Variants in TMEM74 observed in about 807,000 individuals in gnomAD.
TMEM74 encodes the protein transmembrane protein 74.
Under a neutral mutation model 18.1 loss-of-function variants are expected in TMEM74, and 13 were observed. That is an observed-to-expected ratio of 0.72 (90% CI 0.47 to 1.14). The LOEUF (loss-of-function observed/expected upper bound fraction) is 1.14. Among genes scored for constraint, TMEM74 ranks in the 50% most tolerant of loss-of-function variants. The pLI is 0.00. For synonymous variants in TMEM74, 159 were observed against 146.6 expected (o/e 1.08, Z -0.61); for missense variants, 372 against 375.9 (o/e 0.99, Z 0.09).
intron 1 of TMEM74, among the ~76,000 whole-genome samples, chr8:108,734,826 T>C (rs9297417): frequency 0.042 from 6,363 of 152,246 alleles, 323 homozygotes; most frequent in African/African-American, 0.12. Context: ...TATTATCACA[T>C]TCAGGCCTGT....
At chr8:108,660,561 G>T (rs1425016544) in intron 1 of TMEM74, among the ~76,000 whole-genome samples, 1 of 151,992 alleles carries the variant, frequency 6.6e-6, no homozygotes, top group Non-Finnish European at 1.5e-5. Context: ...TATGCATTTG[G>T]GTAATTAACA....
downstream of TMEM74, among the ~76,000 whole-genome samples, chr8:108,778,802 T>A (rs1814267608): frequency 6.6e-6 from 1 of 152,170 alleles, no homozygotes; most frequent in East Asian, 1.9e-4. Context: ...CAGATAAGTG[T>A]TTTTAAAAAA....
chr8:108,735,344 A>G (rs767825699), intron 1 of TMEM74, among the ~76,000 whole-genome samples: 1 of 152,176 alleles, frequency 6.6e-6, no homozygotes, highest in Non-Finnish European at 1.5e-5. Context: ...CATATCCTTT[A>G]GCTCTCATCC....
At chr8:108,686,839 A>G (rs541263541) in intron 1 of TMEM74, among the ~76,000 whole-genome samples, 41 of 152,294 alleles carry the variant, frequency 2.7e-4, no homozygotes, top group African/African-American at 9.4e-4. Flanking sequence ...CTAAGTGTTT[A>G]TTATTAATTT....
In TMEM74 at chr8:108,763,133, A is replaced by G. The variant is rs1010227347; in HGVS notation, n.119+24343T>C. ...TTTCATGGAATGAATTATCCCATGC[A>G]TCTGGCTGAATCCCAATTAAACCTT... On this transcript the variant is annotated intron_variant and non_coding_transcript_variant, in intron 1 of 3. Transcript: ENST00000518838. Among the ~76,000 whole-genome samples, 4 of 152,204 alleles carry G rather than the reference A, an allele frequency of 2.6e-5. No homozygotes were observed. The East Asian group carries it at 7.7e-4, about 29-fold the overall frequency.
intron 1 of TMEM74, among the ~76,000 whole-genome samples, chr8:108,730,602 A>G (rs548123488): frequency 6.8e-6 from 1 of 147,912 alleles, no homozygotes; most frequent in Non-Finnish European, 1.5e-5. Flanking sequence ...ATGTAAAACT[A>G]TACGCTTTAG....
intron 1 of TMEM74, among the ~76,000 whole-genome samples, chr8:108,711,321 A>G (rs903127433): frequency 6.6e-6 from 1 of 152,200 alleles, no homozygotes; most frequent in East Asian, 1.9e-4. Flanking sequence ...TATTCCATAA[A>G]GAACCCAAAG....
chr8:108,771,324 G>T (rs1814168368), intron 1 of TMEM74, among the ~76,000 whole-genome samples: 1 of 152,078 alleles, frequency 6.6e-6, no homozygotes, highest in Non-Finnish European at 1.5e-5. Context: ...TAAATTAAAT[G>T]AGTTAATATT....
downstream of TMEM74, among the ~76,000 whole-genome samples, chr8:108,774,825 C>G (rs897349693): frequency 2.0e-5 from 3 of 147,700 alleles, no homozygotes; most frequent in African/African-American, 7.6e-5. Flanking sequence ...TCTCCAACTC[C>G]TGGCCTTAAG....
At chr8:108,620,524 T>C (rs570443108) in intron 2 of TMEM74, among the ~76,000 whole-genome samples, 35 of 152,288 alleles carry the variant, frequency 2.3e-4, no homozygotes, top group African/African-American at 7.7e-4. Context: ...TATTCCCACA[T>C]CATTATACAT....
intron 2 of TMEM74, among the ~76,000 whole-genome samples, chr8:108,647,266 A>C (rs1812729205): frequency 6.6e-6 from 1 of 152,182 alleles, no homozygotes; most frequent in African/African-American, 2.4e-5. Flanking sequence ...ATATCAGTCA[A>C]GTTATCCCTG....
chr8:108,751,203 AC>A (rs1813901210), intron 1 of TMEM74, among the ~76,000 whole-genome samples: 1 of 152,088 alleles, frequency 6.6e-6, no homozygotes, highest in East Asian at 1.9e-4. Context: ...TGTTTGCACA[AC>A]CTCCCCAACA....
At chr8:108,710,279 T>G (rs187493022) in intron 1 of TMEM74, among the ~76,000 whole-genome samples, 1 of 152,248 alleles carries the variant, frequency 6.6e-6, no homozygotes, top group Admixed American at 6.5e-5. Context: ...ACTAGAGAAC[T>G]ATAGGGACCA....
Position 108,784,139 on chromosome 8 carries a change from A to G in TMEM74, c.*42T>C, listed in dbSNP as rs762911272. 1.4e-6 allele frequency: 2 copies of G among 1,471,360 alleles called. No homozygotes were observed. The highest frequency in any genetic ancestry group is 1.8e-6 in the Non-Finnish European group (2 of 1,096,530). The allele number at this position is 1,471,360 out of a possible 1,614,324, so 91.1% of individuals were successfully genotyped here. A position where few individuals can be genotyped will look rare whatever the true frequency, so the allele number is the denominator to read the frequency against. Reference sequence around the variant, plus strand: ...TTTATAAATTAACTTTTTTCATATTATAAAATGCCAAGGCAGACTCTCAAG... The same window carrying G: ...TTTATAAATTAACTTTTTTCATATTGTAAAATGCCAAGGCAGACTCTCAAG... On this transcript the variant is annotated 3_prime_UTR_variant, in exon 2 of 2. Transcript: ENST00000297459.
In TMEM74 at chr8:108,687,766, A is replaced by G. The variant is rs1381935103; in HGVS notation, n.120-32329T>C. On this transcript the variant is annotated intron_variant and non_coding_transcript_variant, in intron 1 of 3. Transcript: ENST00000518838. ...CTATGAGAATCTAAAGCCACTGCTG[A>G]TCTTGCAGGAGGCAGAGGTCAGGTG... Among the ~76,000 whole-genome samples the G allele has an allele frequency of 2.0e-5, 3 of 152,046 alleles. No homozygotes were observed. In the East Asian group the frequency reaches 5.8e-4, roughly 30 times the overall value.
intron 1 of TMEM74, among the ~76,000 whole-genome samples, chr8:108,659,858 T>A (rs1327902621): frequency 2.6e-5 from 4 of 152,090 alleles, no homozygotes; most frequent in African/African-American, 9.7e-5. Context: ...GACCATGCCG[T>A]TCCTGGACTG....
chr8:108,634,751 G>A (rs1812590167), intron 2 of TMEM74, among the ~76,000 whole-genome samples: 1 of 151,970 alleles, frequency 6.6e-6, no homozygotes, highest in Non-Finnish European at 1.5e-5. Context: ...TAACATTGCA[G>A]GTGGCCTAGA....
chr8:108,626,534 T>C (rs1422578841), intron 2 of TMEM74: 3 of 152,068 alleles, frequency 2.0e-5, no homozygotes, highest in Admixed American at 6.6e-5. Flanking sequence ...ATGTGCATTA[T>C]TTCTCCACTG....
chr8:108,722,079 T>C (rs116856414), intron 1 of TMEM74, among the ~76,000 whole-genome samples: 1 of 152,192 alleles, frequency 6.6e-6, no homozygotes, highest in Non-Finnish European at 1.5e-5. Flanking sequence ...TTCTAGATAT[T>C]TTGTGGTTTT....
Sources: gnomAD v4.1 joint callset for allele counts (sites outside exome capture counted in the v4.1 genomes callset) on GRCh38, gnomAD v4.1.1 for gene constraint, MANE v1.5 for transcripts, NCBI Gene and HGNC (gene_info 2026-07-23, HGNC 2026-07-21) for gene names.